Variants in STOX2 observed in about 807,000 individuals in gnomAD.
The protein encoded by STOX2 is storkhead box 2.
A neutral mutation model predicts 60.9 loss-of-function variants in STOX2; 28 were observed. The ratio of observed to expected loss-of-function variants is 0.46; its 90% CI spans 0.34 to 0.63. The LOEUF (loss-of-function observed/expected upper bound fraction) is 0.63. Among genes scored for constraint, STOX2 ranks in the 30% least tolerant of loss-of-function variants. The pLI, the probability that STOX2 is intolerant of heterozygous loss-of-function variation, is 0.01. For synonymous variants in STOX2, 472 were observed against 463.9 expected, an observed-to-expected ratio of 1.02 and a Z score of -0.22; for missense variants, 1,024 against 1,187.7, an observed-to-expected ratio of 0.86 and a Z score of 2.03.
At chr4:183,841,096 G>C (rs778143077) in intron 1 of STOX2, among the ~76,000 whole-genome samples, 1 of 152,196 alleles carries the variant, frequency 6.6e-6, no homozygotes, top group African/African-American at 2.4e-5. Context: ...TCAAATTCTT[G>C]GGCTCAAGTG....
At chr4:183,823,891 T>C (rs1007538394) in intron 1 of STOX2, among the ~76,000 whole-genome samples, 2 of 149,670 alleles carry the variant, frequency 1.3e-5, no homozygotes, top group African/African-American at 5.1e-5. Flanking sequence ...TTGTAAAGCA[T>C]AATGTACAGC....
At chr4:183,936,082 G>C (rs1742582140) in intron 1 of STOX2, among the ~76,000 whole-genome samples, 1 of 152,136 alleles carries the variant, frequency 6.6e-6, no homozygotes, top group Non-Finnish European at 1.5e-5. Flanking sequence ...TCAAACAAGG[G>C]ACATATAAAT....
intron 1 of STOX2, among the ~76,000 whole-genome samples, chr4:183,917,299 G>A (rs1249342571): frequency 2.6e-5 from 4 of 152,236 alleles, no homozygotes; most frequent in African/African-American, 7.2e-5. Context: ...ACAGGGGCCC[G>A]AAGGAGCAAA....
chr4:183,977,092 A>G, intron 1 of STOX2, among the ~76,000 whole-genome samples: 1 of 152,306 alleles, frequency 6.6e-6, no homozygotes, highest in Admixed American at 6.5e-5. Context: ...AAATGGATAT[A>G]TTGTGTAGTG....
chr4:183,991,732 T>C lies in STOX2; in HGVS notation c.167-9593T>C, dbSNP rs536468407. On this transcript the variant is annotated intron_variant, in intron 1 of 3. Transcript: ENST00000308497. The stretch of plus-strand genomic sequence containing the variant: ...AGCCACCGCGCCCGGCCAGGGAAGA[T>C]ATTTTTAATACTAGCTACTATTTAT... Among the ~76,000 whole-genome samples, 336 of 152,276 alleles carry C rather than the reference T, an allele frequency of 2.2e-3. 2 individuals carry two copies. The highest frequency in any genetic ancestry group is 7.6e-3 in the African/African-American group (314 of 41,548).
chr4:183,939,638 T>C (rs895893896), intron 1 of STOX2, among the ~76,000 whole-genome samples: 15 of 152,148 alleles, frequency 9.9e-5, no homozygotes, highest in African/African-American at 3.6e-4. Flanking sequence ...GAGTGTTGTT[T>C]ATAATGTGCT....
At chr4:183,952,143 C>A (rs1267639064) in intron 1 of STOX2, among the ~76,000 whole-genome samples, 3 of 152,128 alleles carry the variant, frequency 2.0e-5, no homozygotes. Context: ...GCAAGAGAAG[C>A]AAGTGAATAT....
In STOX2 at chr4:184,017,124, T is replaced by C; in HGVS notation, c.2621T>C (p.Ile874Thr). The C allele has an allele frequency of 5.0e-6, 8 of 1,613,706 alleles. No homozygotes were observed. The highest frequency in any genetic ancestry group is 6.8e-6 in the Non-Finnish European group (8 of 1,179,784). The part of the protein sequence containing the change: ...RESLASNTSS[I>T]VESNRRQNPA... Reference sequence around the variant, plus strand: ...AGCCTGGCTTCCAACACATCAAGCATTGTTGAAAGTAACCGTCGTCAGAAC... The same window carrying C: ...AGCCTGGCTTCCAACACATCAAGCACTGTTGAAAGTAACCGTCGTCAGAAC... The change falls in exon 4 of 4, where the codon ATT (isoleucine) becomes ACT (threonine). Residue 874 changes from isoleucine to threonine, a missense_variant. Transcript: ENST00000308497.
intron 1 of STOX2, among the ~76,000 whole-genome samples, chr4:183,867,221 A>G (rs1420665521): frequency 3.9e-5 from 6 of 152,226 alleles, no homozygotes; most frequent in African/African-American, 1.2e-4. Flanking sequence ...GTTTTTCTCT[A>G]CATCTCCATT....
In STOX2 at chr4:183,825,176, G is replaced by A. The variant is rs58715579; in HGVS notation, c.364+27121G>A. 0.064 allele frequency among the ~76,000 whole-genome samples: 9,762 copies of A among 152,278 alleles called. 1,005 individuals carry two copies. Among genetic ancestry groups the A allele is most frequent in the African/African-American group, 0.22 (9,140 of 41,528 alleles). ...CACCCCATGGTGTCAGGAGGTCGTG[G>A]TGGATGGTCTCAGGTCCACCATGAG... On this transcript the variant is annotated intron_variant, in intron 1 of 2. Coordinates refer to the STOX2 transcript ENST00000513034. This position sits in a 1 kb window ranked among gnomAD's most constrained non-coding sequence, Gnocchi z 4.1.
intron 1 of STOX2, among the ~76,000 whole-genome samples, chr4:183,979,640 A>G (rs1732577369): frequency 6.6e-6 from 1 of 152,132 alleles, no homozygotes; most frequent in Admixed American, 6.6e-5. Context: ...TTAGTTCCTA[A>G]TTTTCAGTTA....
chr4:184,021,155 G>A lies in STOX2; in HGVS notation c.*3871G>A, dbSNP rs1156688016. On this transcript the variant is annotated 3_prime_UTR_variant, in exon 4 of 4. Coordinates refer to ENST00000308497, the MANE Select transcript of STOX2 (RefSeq NM_020225.3). ...CTTCATTTAAAAACCAACAACAACC[G>A]ATAATGACTTTGCACGATTCACTTT... is the stretch of plus-strand genomic sequence containing the variant. 6.6e-6 allele frequency: 1 copy of A among 152,146 alleles called. No homozygotes were observed. Among genetic ancestry groups the A allele is most frequent in the Non-Finnish European group, 1.5e-5 (1 of 68,024 alleles). 9.4% of individuals were successfully genotyped at this position (152,146 alleles called of 1,614,324 possible).
At chr4:183,925,054 C>T (rs1286348754) in intron 1 of STOX2, among the ~76,000 whole-genome samples, 2 of 152,144 alleles carry the variant, frequency 1.3e-5, no homozygotes, top group African/African-American at 2.4e-5. Flanking sequence ...GGTTTTAACA[C>T]TTTGCCAAGT....
rs769215288 is a variant in STOX2, at chr4:183,825,581, C to T, written c.364+27526C>T. 4.6e-5 allele frequency among the ~76,000 whole-genome samples: 7 copies of T among 152,324 alleles called. No homozygotes were observed. The highest frequency in any genetic ancestry group is 3.9e-4 in the East Asian group (2 of 5,184). On this transcript the variant is annotated intron_variant, in intron 1 of 2. Transcript: ENST00000513034. This position sits in a 1 kb window ranked among gnomAD's most constrained non-coding sequence, Gnocchi z 4.1. ...TGTGTCCGTGCCTCTGTCCTGCCAA[C>T]GTGGGTGCAGCGCCCGACCCCTCCC...
intron 1 of STOX2, among the ~76,000 whole-genome samples, chr4:183,840,672 A>G (rs1739836109): frequency 1.3e-5 from 2 of 152,202 alleles, no homozygotes; most frequent in African/African-American, 4.8e-5. Flanking sequence ...AACAGATTTG[A>G]TGGAAATTCT....
intron 1 of STOX2, among the ~76,000 whole-genome samples, chr4:183,816,615 C>T (rs1739160214): frequency 6.6e-6 from 1 of 151,822 alleles, no homozygotes; most frequent in South Asian, 2.1e-4. Context: ...ATCTGTGTAA[C>T]AAATCTGCAC....
chr4:183,854,063 C>CT (rs1279108496), intron 1 of STOX2, among the ~76,000 whole-genome samples: 1 of 152,230 alleles, frequency 6.6e-6, no homozygotes, highest in African/African-American at 2.4e-5. Context: ...GGCCTTCATA[C>CT]TTCCACGATT....
At chr4:183,971,718 G>A (rs994150509) in intron 1 of STOX2, among the ~76,000 whole-genome samples, 4 of 152,226 alleles carry the variant, frequency 2.6e-5, no homozygotes. Flanking sequence ...CTCAATGGCA[G>A]CAGTCCTAAA....
chr4:183,813,068 T>C (rs1182358670), intron 1 of STOX2, among the ~76,000 whole-genome samples: 1 of 152,038 alleles, frequency 6.6e-6, no homozygotes, highest in Non-Finnish European at 1.5e-5. Context: ...AGATGGAAAA[T>C]ATTCAGAAAA....
Sources: gnomAD v4.1 joint callset for allele counts (sites outside exome capture counted in the v4.1 genomes callset) on GRCh38, gnomAD v4.1.1 for gene constraint, Gnocchi (gnomAD v3.1) non-coding constraint, MANE v1.5 for transcripts, NCBI Gene and HGNC (gene_info 2026-07-23, HGNC 2026-07-21) for gene names.